Variants in RARB observed in about 807,000 individuals in gnomAD.
RARB encodes retinoic acid receptor beta, also known as HBV-activated protein.
A neutral mutation model predicts 51.9 loss-of-function variants in RARB; 17 were observed. The observed-to-expected ratio is 0.33, with a 90% CI of 0.22 to 0.49. The LOEUF is 0.49. Ranked by LOEUF, RARB falls within the 20% of genes least tolerant of loss-of-function variation. The pLI, the probability that RARB is intolerant of heterozygous loss-of-function variation, is 0.99. For missense variants in RARB, 369 were observed against 550.8 expected, an observed-to-expected ratio of 0.67 and a Z score of 3.30; for synonymous variants, 215 against 195.4, an observed-to-expected ratio of 1.10 and a Z score of -0.84.
intron 2 of RARB, among the ~76,000 whole-genome samples, chr3:24,967,709 C>A (rs1026980350): frequency 6.6e-6 from 1 of 152,122 alleles, no homozygotes; most frequent in South Asian, 2.1e-4. Flanking sequence ...AAAATAGCTT[C>A]ATCATTAATA....
At chr3:25,424,365 C>A (rs572501957), upstream of RARB, among the ~76,000 whole-genome samples, 18 of 152,242 alleles carry the variant, frequency 1.2e-4, no homozygotes, top group Non-Finnish European at 2.2e-4. Context: ...GTTAGAACTT[C>A]CCCCGCTCCC....
chr3:25,524,775 G>A (rs1698571239), intron 3 of RARB, among the ~76,000 whole-genome samples: 1 of 151,452 alleles, frequency 6.6e-6, no homozygotes, highest in Non-Finnish European at 1.5e-5. Context: ...TGTCACCCAG[G>A]CTGGAGTGCA....
intron 5 of RARB, among the ~76,000 whole-genome samples, chr3:25,283,959 CAA>C (rs1195412363): frequency 1.3e-5 from 2 of 152,194 alleles, no homozygotes; most frequent in Non-Finnish European, 2.9e-5. Flanking sequence ...TTTCTCCTAA[CAA>C]ATAGCATAAG....
At position 25,175,694 on chromosome 3, in the gene RARB, T is replaced by C. The variant is rs143271696; in HGVS notation, c.178+1119T>C. Among the ~76,000 whole-genome samples the C allele has an allele frequency of 1.2e-4, 18 of 152,306 alleles. 1 individual carries two copies. Among genetic ancestry groups the C allele is most frequent in the African/African-American group, 3.6e-4 (15 of 41,558 alleles). Reference sequence around the variant, plus strand: ...ATGATAGACTTGCACTTTTGGGATGTTGATTGCAATCATAGTACTATATCA... The same window carrying C: ...ATGATAGACTTGCACTTTTGGGATGCTGATTGCAATCATAGTACTATATCA... On this transcript the variant is annotated intron_variant, in intron 5 of 11. Coordinates refer to the RARB transcript ENST00000383772.
At chr3:25,331,473 C>T (rs942983044) in intron 5 of RARB, among the ~76,000 whole-genome samples, 2 of 152,092 alleles carry the variant, frequency 1.3e-5, no homozygotes, top group African/African-American at 4.8e-5. Flanking sequence ...TGCTTTGAAA[C>T]CAGTGAGAAC....
At chr3:25,588,278 C>T (rs528858829) in intron 5 of RARB, among the ~76,000 whole-genome samples, 1 of 152,234 alleles carries the variant, frequency 6.6e-6, no homozygotes, top group East Asian at 1.9e-4. Flanking sequence ...CTGTATGATT[C>T]CATTGATCTG....
chr3:25,159,412 A>ACAC (rs564374187), intron 4 of RARB, among the ~76,000 whole-genome samples: 52 of 141,842 alleles, frequency 3.7e-4, no homozygotes, highest in Non-Finnish European at 1.8e-4. Flanking sequence ...CAGATGATCC[A>ACAC]CCCCCCCCGC....
chr3:25,190,036 T>A (rs1701061397), intron 5 of RARB, among the ~76,000 whole-genome samples: 1 of 152,072 alleles, frequency 6.6e-6, no homozygotes, highest in Non-Finnish European at 1.5e-5. Context: ...GCATAGAGCC[T>A]CAGTTAAGCC....
rs530338070 is a variant in RARB, at chr3:25,316,677, T to G, written c.178+142102T>G. 4.4e-4 allele frequency among the ~76,000 whole-genome samples: 67 copies of G among 152,254 alleles called. 1 individual carries two copies. The highest frequency in any genetic ancestry group is 3.4e-3 in the Middle Eastern group (1 of 294). On this transcript the variant is annotated intron_variant, in intron 5 of 11. Transcript: ENST00000383772. ...ACAAACTGATGAGAGAACAGCACAT[T>G]TGGTATTAGCAGTTGACAGTAAAAG...
rs113170148 is a variant in RARB at position 25,436,609 on chromosome 3, G to A, written c.157+7721G>A. ...AGGTTTGGATTTGCAGGGAAAGTTGGGGGATGCAGATGAACAAGGCATCTC... is the reference window on the plus strand; with the variant it reads ...AGGTTTGGATTTGCAGGGAAAGTTGAGGGATGCAGATGAACAAGGCATCTC... On this transcript the variant is annotated intron_variant, in intron 1 of 7. Coordinates refer to ENST00000330688, the MANE Select transcript of RARB (RefSeq NM_000965.5). 1.4e-3 allele frequency among the ~76,000 whole-genome samples: 210 copies of A among 152,304 alleles called. 2 individuals carry two copies. Among genetic ancestry groups the A allele is most frequent in the African/African-American group, 4.6e-3 (191 of 41,568 alleles).
intron 3 of RARB, among the ~76,000 whole-genome samples, chr3:25,081,586 CATATATATATATATATATATATATATAT>C (rs1161956011): frequency 5.1e-5 from 1 of 19,638 alleles, no homozygotes; most frequent in Non-Finnish European, 8.3e-5. Context: ...GCTTCATATA[CATATATATATATATATATATATATATAT>C]ATATATATTT....
At chr3:25,554,085 A>C (rs567043679) in intron 3 of RARB, among the ~76,000 whole-genome samples, 1 of 151,272 alleles carries the variant, frequency 6.6e-6, no homozygotes, top group Non-Finnish European at 1.5e-5. Context: ...CTACCTCTGG[A>C]GCAGGGGTCT....
intron 5 of RARB, among the ~76,000 whole-genome samples, chr3:25,368,364 A>G (rs1479373195): frequency 1.3e-5 from 2 of 152,180 alleles, no homozygotes; most frequent in Non-Finnish European, 2.9e-5. Flanking sequence ...TGGAGTTGGT[A>G]ATGAATAGCT....
intron 5 of RARB, among the ~76,000 whole-genome samples, chr3:25,350,901 G>A (rs1253723454): frequency 1.3e-5 from 2 of 152,154 alleles, no homozygotes; most frequent in Admixed American, 1.3e-4. Flanking sequence ...AGTTCCCATG[G>A]TGTCATTGTT....
At chr3:25,486,814 A>C (rs1285542039) in intron 2 of RARB, among the ~76,000 whole-genome samples, 1 of 152,108 alleles carries the variant, frequency 6.6e-6, no homozygotes, top group East Asian at 1.9e-4. Context: ...GCTAATTTTG[A>C]ATTTCTAATA....
At chr3:25,455,658 C>G (rs1421548816) in intron 1 of RARB, among the ~76,000 whole-genome samples, 2 of 152,178 alleles carry the variant, frequency 1.3e-5, no homozygotes, top group Admixed American at 1.3e-4. Context: ...CAGAGCAGCC[C>G]TCTCAGCATC....
intron 2 of RARB, among the ~76,000 whole-genome samples, chr3:24,897,983 A>G (rs1703514614): frequency 6.6e-6 from 1 of 152,210 alleles, no homozygotes; most frequent in Admixed American, 6.5e-5. Context: ...GTGTTGAGAA[A>G]GTTAGTCCAA....
At chr3:25,352,670 A>G (rs1039467264) in intron 5 of RARB, among the ~76,000 whole-genome samples, 26 of 152,196 alleles carry the variant, frequency 1.7e-4, no homozygotes, top group African/African-American at 6.3e-4. Context: ...GACCTATATC[A>G]TGTCAGCAGG....
chr3:25,296,494 G>A (rs1345604026), intron 5 of RARB, among the ~76,000 whole-genome samples: 2 of 152,068 alleles, frequency 1.3e-5, no homozygotes, highest in South Asian at 2.1e-4. Flanking sequence ...TCTTGAAGTC[G>A]ACATGAGGTT....
Sources: allele counts gnomAD v4.1 joint callset (sites outside exome capture counted in the v4.1 genomes callset), GRCh38; gene constraint gnomAD v4.1.1; transcripts MANE v1.5; gene names NCBI Gene and HGNC (gene_info 2026-07-23, HGNC 2026-07-21).